The following GNAS variants were observed in gnomAD, a reference collection of about 807,000 sequenced individuals.
GNAS encodes the protein GNAS complex locus, also known as protein ALEX.
In GNAS, 8 loss-of-function variants were observed where a neutral mutation model predicts 54.5. That is an observed-to-expected ratio of 0.15 (90% CI 0.09 to 0.26). The LOEUF (loss-of-function observed/expected upper bound fraction) is 0.26. Ranked by LOEUF, GNAS falls within the 10% of genes least tolerant of loss-of-function variation. The pLI is 1.00. For synonymous variants in GNAS, 204 were observed against 191.4 expected, an observed-to-expected ratio of 1.07 and a Z score of -0.54; for missense variants, 170 against 529.8, an observed-to-expected ratio of 0.32 and a Z score of 6.67.
chr20:58,842,075 C>T, intron 1 of GNAS: 3 of 414,950 alleles, frequency 7.2e-6, no homozygotes, highest in Non-Finnish European at 1.2e-5. Context: ...GGCGAGGCGG[C>T]GTGCTCCGGC....
intron 6 of GNAS, among the ~76,000 whole-genome samples, chr20:58,908,061 A>C (rs1189445602): frequency 1.3e-5 from 2 of 152,250 alleles, no homozygotes; most frequent in Non-Finnish European, 2.9e-5. Flanking sequence ...TGATTGGGCA[A>C]GTTAGTATAT....
At chr20:58,843,205 AATT>A (rs2085808379) in intron 1 of GNAS, 1 of 36,704 alleles carries the variant, frequency 2.7e-5, no homozygotes, top group African/African-American at 1.0e-4. Flanking sequence ...TCCCCCGCTC[AATT>A]CTCCTCCCCC....
chr20:58,864,735 C>T (rs1600766952), intron 1 of GNAS, among the ~76,000 whole-genome samples: 1 of 152,210 alleles, frequency 6.6e-6, no homozygotes, highest in Admixed American at 6.5e-5. Context: ...GGCCCCAAAG[C>T]TTTAGCCAGA....
At position 58,903,538 on chromosome 20, in the gene GNAS, G is replaced by T; in HGVS notation, c.265G>T (p.Ala89Ser). The T allele has an allele frequency of 6.2e-7, 1 of 1,613,744 alleles. No homozygotes were observed. The highest frequency in any genetic ancestry group is 8.5e-7 in the Non-Finnish European group (1 of 1,179,658). The change falls in exon 4 of 13, where the codon GCA becomes TCA. Residue 89 changes from alanine (A) to serine (S), a missense_variant. Around this residue, in one of 3 missense-constraint regions of GNAS, gnomAD observed 78 missense variants for 251.1 expected, o/e 0.31. Transcript: ENST00000371085. ...AARSNSDGEKATKVQDIKNNL... is the reference protein window; with the variant it reads ...AARSNSDGEKSTKVQDIKNNL... ...TTTTCAATCCCACTGCAGTGAGAAGGCAACCAAAGTGCAGGACATCAAAAA... is the reference window on the plus strand; with the variant it reads ...TTTTCAATCCCACTGCAGTGAGAAGTCAACCAAAGTGCAGGACATCAAAAA...
In GNAS at chr20:58,905,233, G is replaced by T. The variant is rs372365956; in HGVS notation, c.433-150G>T. ...TTAACGTGTTGAATTAAAGTTCTTT[G>T]TGAGCATTAATTCATTAATTGGGCT... On this transcript the variant is annotated intron_variant, in intron 5 of 12. Transcript: ENST00000371085. 25 of 673,350 alleles carry T rather than the reference G, an allele frequency of 3.7e-5. No individual in the cohort carries two copies. In the African/African-American group the frequency reaches 3.7e-4, roughly 10 times the overall value. 41.7% of individuals were successfully genotyped at this position (673,350 alleles called of 1,614,324 possible).
At chr20:58,889,210 T>G (rs1214931714), upstream of GNAS, 1 of 1,193,286 alleles carries the variant, frequency 8.4e-7, no homozygotes, top group African/African-American at 1.8e-5. Flanking sequence ...GCGGGCTGCG[T>G]CAGGTGGCTG....
intron 1 of GNAS, among the ~76,000 whole-genome samples, chr20:58,848,528 CA>C (rs1221099160): frequency 6.6e-6 from 1 of 152,228 alleles, no homozygotes; most frequent in Non-Finnish European, 1.5e-5. Flanking sequence ...TGCTATTATA[CA>C]ATTATAATGG....
Position 58,903,651 on chromosome 20 carries a change from G to A in GNAS, c.313-21G>A, listed in dbSNP as rs760063029. ...TCCCAGCCAGTGCTGTTCCCTGACC[G>A]CTTTGCTAAATCATTTTCAGACCAT... On this transcript the variant is annotated intron_variant, in intron 4 of 12. Coordinates refer to ENST00000371085, the MANE Select transcript of GNAS (RefSeq NM_000516.7). 1.1e-5 allele frequency: 17 copies of A among 1,613,916 alleles called. No homozygotes were observed. The East Asian group carries it at 1.3e-4, about 13-fold the overall frequency.
At chr20:58,886,192 C>A (rs1352135798) in intron 1 of GNAS, among the ~76,000 whole-genome samples, 1 of 152,212 alleles carries the variant, frequency 6.6e-6, no homozygotes, top group Non-Finnish European at 1.5e-5. Flanking sequence ...CCACAGAATT[C>A]AAACCCTGAT....
chr20:58,888,002 G>T (rs776316710), upstream of GNAS, among the ~76,000 whole-genome samples: 9 of 152,166 alleles, frequency 5.9e-5, no homozygotes, highest in Non-Finnish European at 1.2e-4. Flanking sequence ...TATTTTCAAA[G>T]CTAACTTAAA....
intron 3 of GNAS, chr20:58,900,468 A>G (rs913264097): frequency 3.2e-5 from 6 of 190,036 alleles, no homozygotes; most frequent in African/African-American, 1.2e-4. Context: ...TTTCCCACCA[A>G]AGCACAAGGA....
At chr20:58,854,911 C>T (rs2086392503) in intron 1 of GNAS, 5 of 1,597,908 alleles carry the variant, frequency 3.1e-6, no homozygotes, top group African/African-American at 1.3e-5. Context: ...ACTCGCGCGT[C>T]TGCCTGGCGG....
rs1431574991 is a variant in GNAS, at chr20:58,848,868, GC to G, written c.43+7983del. ...CCCATTACTGATGTTTCAGCTCTTA[GC>G]TCCACTCACCTAAAGGACTTAGGTT... On this transcript the variant is annotated intron_variant, in intron 1 of 12. Coordinates refer to the GNAS transcript ENST00000306090. The G allele has an allele frequency of 1.8e-5, 7 of 398,428 alleles. No homozygotes were observed. The Admixed American group carries it at 3.1e-4, about 18-fold the overall frequency. The allele number at this position is 398,428 out of a possible 1,614,324, so 24.7% of individuals were successfully genotyped here.
chr20:58,853,057 C>G lies in GNAS; in HGVS notation c.43+12171C>G. The stretch of plus-strand genomic sequence containing the variant: ...GGCCAGGAAGGAGCCAAGACTCCAC[C>G]AGCAACAATTGAGTTGCTTCAGCCT... On this transcript the variant is annotated intron_variant, in intron 1 of 12. Coordinates refer to the GNAS transcript ENST00000306090. The surrounding 1 kb of genome is among the most constrained non-coding windows in gnomAD (Gnocchi z 4.4). 7.3e-7 allele frequency: 1 copy of G among 1,371,714 alleles called. No individual in the cohort carries two copies. Among genetic ancestry groups the G allele is most frequent in the Non-Finnish European group, 9.4e-7 (1 of 1,067,712 alleles). 85.0% of individuals were successfully genotyped at this position (1,371,714 alleles called of 1,614,324 possible). A position where few individuals can be genotyped will look rare whatever the true frequency, so the allele number is the denominator to read the frequency against.
intron 1 of GNAS, among the ~76,000 whole-genome samples, chr20:58,868,720 C>T (rs1444965858): frequency 3.9e-5 from 6 of 152,034 alleles, no homozygotes; most frequent in East Asian, 1.9e-4. Flanking sequence ...TTTGTTTTCT[C>T]GCTCTCTCAC....
At chr20:58,840,681 A>G (rs1299882082), upstream of GNAS, 4 of 1,604,418 alleles carry the variant, frequency 2.5e-6, no homozygotes, top group East Asian at 6.7e-5. This position sits in a 1 kb window ranked among gnomAD's most constrained non-coding sequence, Gnocchi z 6.0. Context: ...AGGGAAGGGG[A>G]GGAGCTCAAG....
chr20:58,850,980 C>T (rs2086145133), intron 1 of GNAS: 3 of 398,510 alleles, frequency 7.5e-6, no homozygotes, highest in Admixed American at 4.4e-5. Flanking sequence ...TTGGCATGAC[C>T]CCTGCCCAAT....
chr20:58,905,364 T>A lies in GNAS; in HGVS notation c.433-19T>A. Reference sequence around the variant, plus strand: ...TCAAGCTCTTGCCTTTCTCTAAACTTTCTTGTGTTCACTTTCAGGAATTCT... The same window carrying A: ...TCAAGCTCTTGCCTTTCTCTAAACTATCTTGTGTTCACTTTCAGGAATTCT... On this transcript the variant is annotated intron_variant, in intron 5 of 12. Coordinates refer to ENST00000371085, the MANE Select transcript of GNAS (RefSeq NM_000516.7). 7.0e-7 allele frequency: 1 copy of A among 1,420,406 alleles called. No individual in the cohort carries two copies. The highest frequency in any genetic ancestry group is 1.0e-6 in the Non-Finnish European group (1 of 1,003,124). The allele number at this position is 1,420,406 out of a possible 1,614,324, so 88.0% of individuals were successfully genotyped here. A position where few individuals can be genotyped will look rare whatever the true frequency, so the allele number is the denominator to read the frequency against.
At chr20:58,855,261 A>G (rs1214341326) in intron 1 of GNAS, 3 of 1,588,512 alleles carry the variant, frequency 1.9e-6, no homozygotes, top group South Asian at 1.1e-5. Flanking sequence ...GAAGAAACGC[A>G]GTAAGCTCAT....
Sources: gnomAD v4.1 joint callset for allele counts (sites outside exome capture counted in the v4.1 genomes callset) on GRCh38, gnomAD v4.1.1 for gene constraint, gnomAD v4.1.1 regional missense constraint, Gnocchi (gnomAD v3.1) non-coding constraint, MANE v1.5 for transcripts, NCBI Gene and HGNC (gene_info 2026-07-23, HGNC 2026-07-21) for gene names.